ATP7B: variants seen among roughly 807,000 people sequenced by gnomAD.
ATP7B encodes the protein ATPase copper transporting beta.
ATP7B carries 113 observed loss-of-function variants against 118.9 expected under a neutral mutation model. The observed-to-expected ratio is 0.95, with a 90% confidence interval of 0.82 to 1.11. ATP7B has a LOEUF of 1.11. ATP7B is among the 50% of genes most tolerant of loss of function. The pLI, the probability that ATP7B is intolerant of heterozygous loss-of-function variation, is 0.00. For missense variants in ATP7B, 1,867 were observed against 1,871.4 expected (o/e 1.00, Z 0.04); for synonymous variants, 777 against 727.4 (o/e 1.07, Z -1.10).
chr13:51,936,648 T>C (rs1956982033), intron 19 of ATP7B, among the ~76,000 whole-genome samples: 1 of 152,156 alleles, frequency 6.6e-6, no homozygotes, highest in South Asian at 2.1e-4. Context: ...CCCCAGCCTC[T>C]GTACTCCCAG....
At chr13:51,951,518 C>A (rs1958005462) in intron 9 of ATP7B, among the ~76,000 whole-genome samples, 1 of 152,072 alleles carries the variant, frequency 6.6e-6, no homozygotes, top group South Asian at 2.1e-4. Context: ...GAGAACAAAC[C>A]TGAGAGCTGT....
intron 17 of ATP7B, 150 bp from the exon 18 acceptor site, chr13:51,937,829 G>T: frequency 1.1e-6 from 1 of 893,030 alleles, no homozygotes; most frequent in Non-Finnish European, 1.8e-6. Flanking sequence ...CTGTCACAGG[G>T]CCAGTTTATC....
At chr13:51,963,541 G>T (rs1424656825) in intron 5 of ATP7B, among the ~76,000 whole-genome samples, 2 of 151,766 alleles carry the variant, frequency 1.3e-5, no homozygotes, top group Non-Finnish European at 2.9e-5. Flanking sequence ...TTCTAGACCA[G>T]CCTGGAAAAC....
At chr13:51,937,224 G>T in intron 19 of ATP7B, 52 bp downstream of exon 19, 2 of 1,559,368 alleles carry the variant, frequency 1.3e-6, no homozygotes, top group Non-Finnish European at 8.8e-7. Flanking sequence ...GAACCTGGGA[G>T]ACAGAAGCCT....
At position 51,939,170 on chromosome 13, in the gene ATP7B, T is replaced by C. The variant is rs745679410; in HGVS notation, c.3580A>G (p.Ile1194Val). The change falls in exon 17 of 21, where the codon ATC becomes GTC. Residue 1194 changes from isoleucine (I) to valine (V), a missense_variant. Transcript: ENST00000242839. Reference protein sequence around the residue: ...IDGVLCGMIAIADAVKQEAAL... With the variant: ...IDGVLCGMIAVADAVKQEAAL... Reference sequence around the variant, plus strand: ...GCCTCCTGCTTGACAGCGTCTGCGATTGCGATCATCCCACAGAGCACACCT... The same window carrying C: ...GCCTCCTGCTTGACAGCGTCTGCGACTGCGATCATCCCACAGAGCACACCT... 34 of 1,613,838 alleles carry C rather than the reference T, an allele frequency of 2.1e-5. No individual in the cohort carries two copies. The highest frequency in any genetic ancestry group is 3.3e-4 in the Middle Eastern group (2 of 6,084).
chr13:51,945,709 C>T (rs181633588), intron 13 of ATP7B, among the ~76,000 whole-genome samples: 78 of 152,182 alleles, frequency 5.1e-4, no homozygotes, highest in Non-Finnish European at 8.7e-4. Context: ...GGCTCCTTGG[C>T]GGCTGGAAAC....
chr13:51,983,526 G>C (rs530523352), intron 1 of ATP7B, among the ~76,000 whole-genome samples: 1 of 152,206 alleles, frequency 6.6e-6, no homozygotes, highest in Non-Finnish European at 1.5e-5. Flanking sequence ...GCTCTGAAGA[G>C]AGCAGTGGAT....
At position 51,946,440 on chromosome 13, in the gene ATP7B, G is replaced by T; in HGVS notation, c.2904C>A (p.Ile968=). 2 of 1,614,240 alleles carry T rather than the reference G, an allele frequency of 1.2e-6. No homozygotes were observed. The highest frequency in any genetic ancestry group is 1.7e-6 in the Non-Finnish European group (2 of 1,180,050). Residue 968 remains isoleucine, a synonymous_variant, in exon 13 of 21, where the codon ATC becomes ATA. Coordinates refer to ENST00000242839, the MANE Select transcript of ATP7B (RefSeq NM_000053.4). ...NKHISQTEVI[I]RFAFQTSITV... The stretch of plus-strand genomic sequence containing the variant: ...TGATGGACGTCTGGAAAGCAAACCG[G>T]ATGATCACCTCTGTCTGGGAGATGT...
At chr13:51,956,237 T>A (rs1180401066) in intron 9 of ATP7B, among the ~76,000 whole-genome samples, 1 of 152,092 alleles carries the variant, frequency 6.6e-6, no homozygotes, top group Non-Finnish European at 1.5e-5. Context: ...GTGGCCCCGG[T>A]CAGTTCCTCT....
At position 51,970,540 on chromosome 13, in the gene ATP7B, AG is replaced by A; in HGVS notation, c.1494del (p.Cys499ValfsTer8). The stretch of plus-strand genomic sequence containing the variant: ...TCTATGTTAGACACACAGGATGCAC[AG>A]GTCATGCCTTTGATCTGTAAGAAGC... Reference protein sequence around the residue: ...QKCFLQIKGMTCASCVSNIER... With the variant: ...QKCFLQIKGMXCASCVSNIER... On this transcript the variant is annotated frameshift_variant, in exon 3 of 21. Coordinates refer to ENST00000242839, the MANE Select transcript of ATP7B (RefSeq NM_000053.4). LOFTEE classifies it high-confidence loss of function. 1 of 1,614,190 alleles carries A rather than the reference AG, an allele frequency of 6.2e-7. No homozygotes were observed. The highest frequency in any genetic ancestry group is 8.5e-7 in the Non-Finnish European group (1 of 1,180,026).
intron 13 of ATP7B, 58 bp downstream of exon 13, chr13:51,946,226 T>C (rs1593680075): frequency 1.3e-6 from 2 of 1,538,554 alleles, no homozygotes; most frequent in East Asian, 2.5e-5. Flanking sequence ...CAATGTGAAA[T>C]AGTAAACAGA....
chr13:52,007,444 A>G (rs551467174), intron 1 of ATP7B, among the ~76,000 whole-genome samples: 1 of 151,694 alleles, frequency 6.6e-6, no homozygotes, highest in African/African-American at 2.4e-5. Context: ...TATCACTCCC[A>G]CTCCTTCCCT....
At chr13:51,980,845 T>C (rs183467951) in intron 1 of ATP7B, among the ~76,000 whole-genome samples, 1 of 152,146 alleles carries the variant, frequency 6.6e-6, no homozygotes, top group Non-Finnish European at 1.5e-5. Context: ...TAACAACTTA[T>C]GAGGCAAACA....
At chr13:51,938,907 A>C (rs1185115290) in intron 17 of ATP7B, 144 bp downstream of exon 17, 1 of 1,348,950 alleles carries the variant, frequency 7.4e-7, no homozygotes, top group Non-Finnish European at 1.0e-6. Flanking sequence ...CTACATGGCC[A>C]CAGAATGAAA....
At chr13:51,938,315 G>C (rs1450766367) in intron 17 of ATP7B, among the ~76,000 whole-genome samples, 4 of 152,200 alleles carry the variant, frequency 2.6e-5, no homozygotes, top group African/African-American at 9.7e-5. Context: ...AGCCCGTCAA[G>C]GGCAGACCCC....
rs563826929 is a variant in ATP7B, at chr13:51,937,170, G to A, written c.4021+106C>T. ...AAAAAAAAAACAGCCTTTCTAAAAC[G>A]CCTCTAGCCAGCCAGTGAGTGAGCC... On this transcript the variant is annotated intron_variant, in intron 19 of 20. Transcript: ENST00000242839. 35 of 1,015,394 alleles carry A rather than the reference G, an allele frequency of 3.4e-5. No individual in the cohort carries two copies. The East Asian group carries it at 5.6e-4, about 16-fold the overall frequency. 62.9% of individuals were successfully genotyped at this position (1,015,394 alleles called of 1,614,324 possible).
chr13:51,946,338 G>A lies in ATP7B; in HGVS notation c.3006C>T (p.Ala1002=), dbSNP rs369620062. 314 of 1,609,764 alleles carry A rather than the reference G, an allele frequency of 2.0e-4. No individual in the cohort carries two copies. The highest frequency in any genetic ancestry group is 1.2e-3 in the Middle Eastern group (6 of 5,102). Residue 1002 remains alanine, a synonymous_variant, in exon 13 of 21, where the codon GCC becomes GCT. Transcript: ENST00000242839. The stretch of plus-strand genomic sequence containing the variant: ...CCTTGATGAGGATGCCGTTCTGCGC[G>A]GCCACCCCGGTGCCCACCATGACAG... The part of the protein sequence containing the change: ...PTAVMVGTGV[A]AQNGILIKGG...
chr13:52,012,060 C>A (rs1407919777), upstream of ATP7B: 9 of 470,184 alleles, frequency 1.9e-5, no homozygotes, highest in East Asian at 3.7e-4. Context: ...CAGCCAATGG[C>A]CTCCAACGGG....
intron 1 of ATP7B, among the ~76,000 whole-genome samples, chr13:51,980,045 A>G (rs1380195441): frequency 2.0e-5 from 3 of 152,234 alleles, no homozygotes; most frequent in African/African-American, 7.2e-5. Flanking sequence ...GACACAGGGC[A>G]TATGCATGCT....
Sources: gnomAD v4.1 joint callset for allele counts (sites outside exome capture counted in the v4.1 genomes callset) on GRCh38, gnomAD v4.1.1 for gene constraint, MANE v1.5 for transcripts, NCBI Gene and HGNC (gene_info 2026-07-23, HGNC 2026-07-21) for gene names.